The following TENM4 variants were observed in gnomAD, a reference collection of about 807,000 sequenced individuals.
The protein encoded by TENM4 is teneurin-4.
Under a neutral mutation model 243.3 loss-of-function variants are expected in TENM4, and 82 were observed. The ratio of observed to expected loss-of-function variants is 0.34; its 90% CI spans 0.28 to 0.40. The LOEUF (loss-of-function observed/expected upper bound fraction) is 0.40. Ranked by LOEUF, TENM4 falls within the 10% of genes least tolerant of loss-of-function variation. TENM4 has a pLI of 1.00. For synonymous variants in TENM4, 1,412 were observed against 1,456.3 expected (o/e 0.97, Z 0.69); for missense variants, 3,138 against 3,673.3 (o/e 0.85, Z 3.77).
chr11:78,786,748 A>G (rs1856943779), intron 16 of TENM4, 150 bp downstream of exon 16: 1 of 1,127,174 alleles, frequency 8.9e-7, no homozygotes, highest in Non-Finnish European at 1.2e-6. Context: ...ACCGATGGCT[A>G]GGAAATGCCA....
chr11:79,004,187 A>G (rs1858412044), intron 6 of TENM4, among the ~76,000 whole-genome samples: 1 of 152,232 alleles, frequency 6.6e-6, no homozygotes, highest in Non-Finnish European at 1.5e-5. Flanking sequence ...CCAGATAATA[A>G]TAGTGGGAGC....
intron 7 of TENM4, 39 bp from the exon 8 acceptor site, chr11:78,891,375 T>C: frequency 2.0e-6 from 3 of 1,522,614 alleles, no homozygotes; most frequent in Non-Finnish European, 1.8e-6. Flanking sequence ...CAATGAGTCA[T>C]GCATTGATGA....
chr11:78,975,594 A>ACACC (rs1219955283), intron 6 of TENM4, among the ~76,000 whole-genome samples: 1 of 126,232 alleles, frequency 7.9e-6, no homozygotes, highest in Non-Finnish European at 1.7e-5. Flanking sequence ...TGGGATACAC[A>ACACC]CACCCACACA....
chr11:78,885,763 A>G (rs549441923), intron 9 of TENM4, among the ~76,000 whole-genome samples: 4 of 152,246 alleles, frequency 2.6e-5, no homozygotes, highest in African/African-American at 7.2e-5. Context: ...ACACACACAC[A>G]CAAATTTAAA....
intron 6 of TENM4, among the ~76,000 whole-genome samples, chr11:78,912,670 C>T (rs1217786785): frequency 6.6e-6 from 1 of 152,188 alleles, no homozygotes; most frequent in Non-Finnish European, 1.5e-5. Flanking sequence ...TAGGATAGGA[C>T]TGGGGGAGAG....
At position 78,899,566 on chromosome 11, in the gene TENM4, G is replaced by GGT. The variant is rs1555098944; in HGVS notation, c.749+3701_749+3702insAC. 1.4e-4 allele frequency among the ~76,000 whole-genome samples: 18 copies of GGT among 126,636 alleles called. 3 individuals are homozygous for GGT. In the East Asian group the frequency reaches 3.5e-3, roughly 25 times the overall value. 83.1% of individuals were successfully genotyped at this position (126,636 alleles called of 152,430 possible). A position where few individuals can be genotyped will look rare whatever the true frequency, so the allele number is the denominator to read the frequency against. On this transcript the variant is annotated intron_variant, in intron 7 of 33. Coordinates refer to ENST00000278550, the MANE Select transcript of TENM4 (RefSeq NM_001098816.3). ...GCACTCTGTCTCAAAAAGCGGGGGGGGGGGGAAAAAGAAAAAAGAAAGAAA... is the reference window on the plus strand; with the variant it reads ...GCACTCTGTCTCAAAAAGCGGGGGGGGTGGGGGAAAAAGAAAAAAGAAAGAAA...
At chr11:78,945,967 C>A (rs1034139001) in intron 6 of TENM4, among the ~76,000 whole-genome samples, 2 of 152,122 alleles carry the variant, frequency 1.3e-5, no homozygotes, top group African/African-American at 2.4e-5. Flanking sequence ...AAGCAGCCTC[C>A]ATAACATAAA....
Position 78,722,795 on chromosome 11 carries a change from C to G in TENM4, c.3673G>C (p.Asp1225His). 1 of 1,614,054 alleles carries G rather than the reference C, an allele frequency of 6.2e-7. No individual in the cohort carries two copies. The highest frequency in any genetic ancestry group is 1.3e-5 in the African/African-American group (1 of 75,070). ...ACTGGGGCCAGGAGCTTGTTGCCGT[C>G]AGCAAGGCCGTTGCAGCTGGGGCAG... Reference protein sequence around the residue: ...ISCPSCNGLADGNKLLAPVAL... With the variant: ...ISCPSCNGLAHGNKLLAPVAL... Residue 1225 changes from aspartate (D) to histidine (H), a missense_variant, in exon 24 of 34, where the codon GAC becomes CAC. Asp to His is a moderately conservative substitution (Grantham distance 81). Transcript: ENST00000278550.
intron 19 of TENM4, chr11:78,756,531 A>G (rs1856308960): frequency 2.3e-6 from 1 of 427,182 alleles, no homozygotes; most frequent in South Asian, 2.3e-5. Context: ...TTGATCCAAG[A>G]TTCCCCTTGG....
At chr11:79,273,964 A>G (rs759574904) in intron 2 of TENM4, among the ~76,000 whole-genome samples, 4 of 152,220 alleles carry the variant, frequency 2.6e-5, no homozygotes, top group African/African-American at 7.2e-5. Flanking sequence ...GCCAGATCCA[A>G]TATCAGTGAA....
In TENM4 at chr11:79,069,807, C is replaced by T; in HGVS notation, c.138G>A (p.Lys46=). 1.9e-6 allele frequency: 3 copies of T among 1,551,198 alleles called. No homozygotes were observed. The highest frequency in any genetic ancestry group is 2.4e-5 in the South Asian group (2 of 84,062). ...CTAGGCGGGCGTCCTGGTCGTAGGC[C>T]TTCAGGGTCTCGCTGGAGCTGTACG... ...QKSYSSSETL[K]AYDQDARLAY... The change falls in exon 5 of 34, where the codon AAG becomes AAA. Residue 46 remains lysine (K), a synonymous_variant. Transcript: ENST00000278550.
chr11:79,125,818 C>T (rs1023412018), intron 4 of TENM4, among the ~76,000 whole-genome samples: 1 of 152,140 alleles, frequency 6.6e-6, no homozygotes, highest in Non-Finnish European at 1.5e-5. Flanking sequence ...ACCCCCAACA[C>T]CCCTGTTTGC....
rs146201762 is a variant in TENM4 at position 78,763,190 on chromosome 11, C to A, written c.2540-6169G>T. On this transcript the variant is annotated intron_variant, in intron 18 of 33. Coordinates refer to ENST00000278550, the MANE Select transcript of TENM4 (RefSeq NM_001098816.3). ...TCTGTAAAACCCTCCTAAACCCCAG[C>A]TTTTGGGAAATAACTTTTTTCCCGG... Among the ~76,000 whole-genome samples the A allele has an allele frequency of 1.1e-3, 164 of 152,338 alleles. 1 individual carries two copies. The highest frequency in any genetic ancestry group is 3.8e-3 in the African/African-American group (156 of 41,578).
At chr11:78,881,347 C>A (rs945971225) in intron 9 of TENM4, among the ~76,000 whole-genome samples, 14 of 152,214 alleles carry the variant, frequency 9.2e-5, no homozygotes, top group Admixed American at 8.5e-4. Flanking sequence ...TGAGCTGTGA[C>A]TTCTGGTTGG....
At position 79,358,261 on chromosome 11, in the gene TENM4, A is replaced by G. The variant is rs182710101; in HGVS notation, c.-320-60718T>C. Among the ~76,000 whole-genome samples, 10 of 152,362 alleles carry G rather than the reference A, an allele frequency of 6.6e-5. No homozygotes were observed. In the East Asian group the frequency reaches 1.5e-3, roughly 24 times the overall value. ...ATTGACAATTTCAGGAAATTAAATG[A>G]TAAATATTACTAAAATGACCTTTAG... On this transcript the variant is annotated intron_variant, in intron 1 of 33. Coordinates refer to ENST00000278550, the MANE Select transcript of TENM4 (RefSeq NM_001098816.3).
chr11:78,805,437 G>A lies in TENM4; in HGVS notation c.2034C>T (p.Cys678=). ...TGCCTCCCCATCCCACAGAGCAGTG[G>A]CATTCGCCTCTCACGCAGACACCCC... The part of the protein sequence containing the change: ...SGRGVCVRGE[C]HCSVGWGGTN... Residue 678 remains cysteine (C), a synonymous_variant, in exon 15 of 34, where the codon TGC becomes TGT. Transcript: ENST00000278550. 1.2e-6 allele frequency: 2 copies of A among 1,600,072 alleles called. No individual in the cohort carries two copies. The highest frequency in any genetic ancestry group is 1.7e-6 in the Non-Finnish European group (2 of 1,173,302).
chr11:79,301,864 G>C (rs1856555227), intron 1 of TENM4, among the ~76,000 whole-genome samples: 2 of 152,162 alleles, frequency 1.3e-5, no homozygotes, highest in South Asian at 4.1e-4. Context: ...CGCCATTATG[G>C]TAAGTTTCCT....
intron 29 of TENM4, among the ~76,000 whole-genome samples, chr11:78,686,581 T>G (rs1858680268): frequency 6.6e-6 from 1 of 152,160 alleles, no homozygotes; most frequent in Non-Finnish European, 1.5e-5. Flanking sequence ...GACTGAGCCC[T>G]CAACCGGTGG....
rs540680483 is a variant in TENM4 at position 79,326,226 on chromosome 11, G to A, written c.-320-28683C>T. ...ATGAAGTACAAGCTTCTAGACAGTCGTGGAAGGCCTTTATCATAAGTCCCT... is the reference window on the plus strand; with the variant it reads ...ATGAAGTACAAGCTTCTAGACAGTCATGGAAGGCCTTTATCATAAGTCCCT... On this transcript the variant is annotated intron_variant, in intron 1 of 33. Coordinates refer to ENST00000278550, the MANE Select transcript of TENM4 (RefSeq NM_001098816.3). Among the ~76,000 whole-genome samples the A allele has an allele frequency of 1.8e-4, 28 of 152,236 alleles. No homozygotes were observed. In the East Asian group the frequency reaches 3.1e-3, roughly 17 times the overall value.
Sources: gnomAD v4.1 joint callset for allele counts (sites outside exome capture counted in the v4.1 genomes callset) on GRCh38, gnomAD v4.1.1 for gene constraint, MANE v1.5 for transcripts, NCBI Gene and HGNC (gene_info 2026-07-23, HGNC 2026-07-21) for gene names.